Variants in GRIK2 observed in about 807,000 individuals in gnomAD.
The protein encoded by GRIK2 is glutamate receptor ionotropic, kainate 2.
In GRIK2, 32 loss-of-function variants were observed where a neutral mutation model predicts 100.3. The ratio of observed to expected loss-of-function variants is 0.32; its 90% CI spans 0.24 to 0.43. The LOEUF (loss-of-function observed/expected upper bound fraction) is 0.43, where lower values mean the gene tolerates loss of function less well. Among genes scored for constraint, GRIK2 ranks in the 20% least tolerant of loss-of-function variants. The probability of loss-of-function intolerance (pLI) is 1.00; values close to 1 mark genes in which losing one functional copy is unlikely to be tolerated. For missense variants in GRIK2, 843 were observed against 1,114.9 expected (o/e 0.76, Z 3.47); for synonymous variants, 417 against 389.4 (o/e 1.07, Z -0.83).
intron 7 of GRIK2, among the ~76,000 whole-genome samples, chr6:101,695,814 T>C (rs190252991): frequency 4.0e-4 from 61 of 152,216 alleles, no homozygotes; most frequent in African/African-American, 1.4e-3. Flanking sequence ...AAGTAAGTAT[T>C]ACTTACCTAC....
intron 15 of GRIK2, among the ~76,000 whole-genome samples, chr6:102,037,331 T>C (rs1335030): frequency 0.27 from 40,277 of 151,100 alleles, 5,569 homozygotes; most frequent in East Asian, 0.31. Flanking sequence ...ACAATACTTA[T>C]TAAAGAATTA....
intron 2 of GRIK2, among the ~76,000 whole-genome samples, chr6:101,457,123 G>A (rs1582493185): frequency 6.6e-6 from 1 of 152,114 alleles, no homozygotes; most frequent in South Asian, 2.1e-4. Context: ...AAAATGACAT[G>A]CTTGTTAAGC....
intron 7 of GRIK2, among the ~76,000 whole-genome samples, chr6:101,796,555 A>T (rs1332581403): frequency 3.9e-5 from 6 of 152,224 alleles, no homozygotes; most frequent in Non-Finnish European, 8.8e-5. Flanking sequence ...ACTAGTCTAA[A>T]ATTAAAACCA....
chr6:101,895,298 T>C (rs992271533), intron 12 of GRIK2, among the ~76,000 whole-genome samples: 4 of 151,698 alleles, frequency 2.6e-5, no homozygotes, highest in Admixed American at 6.6e-5. Flanking sequence ...TTTAGAGTAT[T>C]AGAATATTAT....
At chr6:101,772,921 T>C (rs760602357) in intron 7 of GRIK2, among the ~76,000 whole-genome samples, 4 of 152,104 alleles carry the variant, frequency 2.6e-5, no homozygotes, top group Non-Finnish European at 5.9e-5. Context: ...AAATCATCTT[T>C]GATTTCCAAG....
rs141702177 is a variant in GRIK2 at position 101,890,792 on chromosome 6, A to T, written c.1748+929A>T. 3.2e-3 allele frequency among the ~76,000 whole-genome samples: 482 copies of T among 151,974 alleles called. 1 individual carries two copies. Among genetic ancestry groups the T allele is most frequent in the African/African-American group, 0.011 (469 of 41,510 alleles). On this transcript the variant is annotated intron_variant, in intron 12 of 16. Coordinates refer to ENST00000369134, the MANE Select transcript of GRIK2 (RefSeq NM_021956.5). ...ATGATTTAATTTAACTTTTGCTTTAATTAAGAAGATTAGTATTGTGCCTCA... is the reference window on the plus strand; with the variant it reads ...ATGATTTAATTTAACTTTTGCTTTATTTAAGAAGATTAGTATTGTGCCTCA...
chr6:101,465,441 C>T (rs1358559940), intron 2 of GRIK2, among the ~76,000 whole-genome samples: 2 of 152,136 alleles, frequency 1.3e-5, no homozygotes, highest in Admixed American at 6.5e-5. Context: ...CTGCAAAAAA[C>T]ATGTTTTCAT....
intron 10 of GRIK2, among the ~76,000 whole-genome samples, chr6:101,836,643 G>GTGTATATA (rs1201652352): frequency 2.3e-5 from 2 of 86,402 alleles, no homozygotes; most frequent in African/African-American, 9.2e-5. Context: ...ATATGTATGT[G>GTGTATATA]TATATATATA....
chr6:102,037,798 A>C (rs763791027), intron 15 of GRIK2, among the ~76,000 whole-genome samples: 2 of 151,414 alleles, frequency 1.3e-5, no homozygotes, highest in East Asian at 3.9e-4. Flanking sequence ...CTGCATAGTT[A>C]GGTCAGTTAT....
chr6:101,519,672 TTGAG>T (rs1280191773), intron 2 of GRIK2, among the ~76,000 whole-genome samples: 2 of 152,114 alleles, frequency 1.3e-5, no homozygotes, highest in African/African-American at 2.4e-5. Context: ...CATTATTTGA[TTGAG>T]TTTTTGATGG....
chr6:101,417,078 C>T (rs1160842087), intron 2 of GRIK2, among the ~76,000 whole-genome samples: 1 of 152,180 alleles, frequency 6.6e-6, no homozygotes, highest in Non-Finnish European at 1.5e-5. Flanking sequence ...GCTAGGGAGG[C>T]CTCACAATCA....
chr6:101,927,167 T>A (rs1789956756), intron 13 of GRIK2: 1 of 153,146 alleles, frequency 6.5e-6, no homozygotes, highest in African/African-American at 2.4e-5. Flanking sequence ...GTTTGTTTGT[T>A]TGAAATTGCA....
At chr6:101,798,816 C>G (rs1780482749) in intron 7 of GRIK2, among the ~76,000 whole-genome samples, 1 of 152,148 alleles carries the variant, frequency 6.6e-6, no homozygotes, top group South Asian at 2.1e-4. Context: ...TAACACAGCA[C>G]TTGAAAATCA....
intron 14 of GRIK2, among the ~76,000 whole-genome samples, chr6:101,975,820 T>TATCC: frequency 6.6e-6 from 1 of 151,654 alleles, no homozygotes; most frequent in South Asian, 2.1e-4. Flanking sequence ...TCTATCTATC[T>TATCC]ATCTATCTAT....
At chr6:101,978,901 T>G (rs1188437432) in intron 14 of GRIK2, among the ~76,000 whole-genome samples, 1 of 152,004 alleles carries the variant, frequency 6.6e-6, no homozygotes, top group East Asian at 1.9e-4. Flanking sequence ...CTAATACTAC[T>G]TAATGGCAGA....
At chr6:102,016,400 C>T (rs1482470405) in intron 14 of GRIK2, among the ~76,000 whole-genome samples, 2 of 151,840 alleles carry the variant, frequency 1.3e-5, no homozygotes, top group Admixed American at 6.6e-5. Context: ...AATCTCAGAG[C>T]TTGAAGACTG....
chr6:101,402,852 C>A (rs1775394983), intron 2 of GRIK2, among the ~76,000 whole-genome samples: 1 of 152,232 alleles, frequency 6.6e-6, no homozygotes, highest in Admixed American at 6.5e-5. Context: ...TGTTTCGCCG[C>A]AGCTGCGTCC....
intron 2 of GRIK2, among the ~76,000 whole-genome samples, chr6:101,408,856 T>C (rs1334152353): frequency 6.6e-6 from 1 of 152,020 alleles, no homozygotes; most frequent in African/African-American, 2.4e-5. Flanking sequence ...CAAGTTGACA[T>C]ATAAAATTAA....
chr6:101,682,696 A>C, intron 6 of GRIK2, 90 bp downstream of exon 6: 1 of 626,902 alleles, frequency 1.6e-6, no homozygotes, highest in Non-Finnish European at 2.9e-6. Flanking sequence ...AAGTATTATG[A>C]CTGATTCCTT....
Sources: allele counts gnomAD v4.1 joint callset (sites outside exome capture counted in the v4.1 genomes callset), GRCh38; gene constraint gnomAD v4.1.1; transcripts MANE v1.5; gene names NCBI Gene and HGNC (gene_info 2026-07-23, HGNC 2026-07-21).